Variants in USP43 observed in about 807,000 individuals in gnomAD.
USP43 encodes the protein ubiquitin specific peptidase 43.
A neutral mutation model predicts 90.7 loss-of-function variants in USP43; 33 were observed. That is an observed-to-expected ratio of 0.36 (90% CI 0.28 to 0.49). USP43 has a LOEUF of 0.49. Among genes scored for constraint, USP43 ranks in the 20% least tolerant of loss-of-function variants. The pLI is 0.98. For synonymous variants in USP43, 598 were observed against 615.8 expected (o/e 0.97, Z 0.43); for missense variants, 1,274 against 1,476.4 (o/e 0.86, Z 2.25).
chr17:9,666,923 G>C (rs937533862), intron 3 of USP43, among the ~76,000 whole-genome samples, 172 bp downstream of exon 3: 5 of 152,126 alleles, frequency 3.3e-5, no homozygotes, highest in African/African-American at 7.2e-5. Context: ...TGTTGTCTCT[G>C]ACCTTTGGTA....
chr17:9,689,750 G>T (rs1404456534), intron 8 of USP43, among the ~76,000 whole-genome samples: 2 of 152,100 alleles, frequency 1.3e-5, no homozygotes, highest in Non-Finnish European at 2.9e-5. Flanking sequence ...AAACGGGGGT[G>T]TGTGAGGCCA....
In USP43 at chr17:9,682,822, G is replaced by A; in HGVS notation, c.1106-1G>A. 6.2e-7 allele frequency: 1 copy of A among 1,613,866 alleles called. No homozygotes were observed. Among genetic ancestry groups the A allele is most frequent in the Non-Finnish European group, 8.5e-7 (1 of 1,179,824 alleles). ...AACAAATGTCATTCTCTCCCTTCTA[G>A]CTCATCCACTGGGTCTGTCGGCCTC... On this transcript the variant is annotated splice_acceptor_variant, in intron 6 of 14. Coordinates refer to ENST00000285199, the MANE Select transcript of USP43 (RefSeq NM_153210.5). LOFTEE classifies it high-confidence loss of function.
chr17:9,669,135 C>G (rs979285468), intron 3 of USP43, among the ~76,000 whole-genome samples: 1 of 152,118 alleles, frequency 6.6e-6, no homozygotes, highest in African/African-American at 2.4e-5. Context: ...TGAGCCACCA[C>G]GCCCGGCCGG....
chr17:9,697,616 A>G (rs1270332303), intron 9 of USP43, among the ~76,000 whole-genome samples: 3 of 151,584 alleles, frequency 2.0e-5, no homozygotes, highest in African/African-American at 2.4e-5. Flanking sequence ...TCATTCACTT[A>G]GGATAATGGC....
In USP43 at chr17:9,682,941, A is replaced by T. The variant is rs778595530; in HGVS notation, c.1224A>T (p.Ser408=). 16 of 1,613,746 alleles carry T rather than the reference A, an allele frequency of 9.9e-6. No individual in the cohort carries two copies. In the Admixed American group the frequency reaches 1.3e-4, roughly 13 times the overall value. The change falls in exon 7 of 15, where the codon TCA becomes TCT. Residue 408 remains serine, a synonymous_variant. Coordinates refer to ENST00000285199, the MANE Select transcript of USP43 (RefSeq NM_153210.5). ...VLILFCNLVG[S]GQQASRFGPP... The stretch of plus-strand genomic sequence containing the variant: ...TCCTCTTCTGTAACTTGGTGGGGTC[A>T]GGGCAGCAGGCTAGCAGGTATGTTT...
chr17:9,701,755 T>C lies in USP43; in HGVS notation c.2011+55T>C, dbSNP rs1597870169. The C allele has an allele frequency of 7.0e-7, 1 of 1,424,626 alleles. No homozygotes were observed. The highest frequency in any genetic ancestry group is 9.4e-7 in the Non-Finnish European group (1 of 1,064,632). 88.2% of individuals were successfully genotyped at this position (1,424,626 alleles called of 1,614,324 possible). A position where few individuals can be genotyped will look rare whatever the true frequency, so the allele number is the denominator to read the frequency against. On this transcript the variant is annotated intron_variant, in intron 12 of 14. Transcript: ENST00000285199. The surrounding 1 kb of genome is among the most constrained non-coding windows in gnomAD (Gnocchi z 7.2). ...CAGCTGTGGCCACAGCCTCGAGATG[T>C]CCCTGGAATGGGTGTTGCTCAGATG...
rs190919146 is a variant in USP43, at chr17:9,679,671, A to G, written c.970-560A>G. 3.4e-3 allele frequency among the ~76,000 whole-genome samples: 517 copies of G among 151,954 alleles called. 4 individuals are homozygous for G. Among genetic ancestry groups the G allele is most frequent in the African/African-American group, 0.012 (494 of 41,452 alleles). On this transcript the variant is annotated intron_variant, in intron 5 of 14. Coordinates refer to ENST00000285199, the MANE Select transcript of USP43 (RefSeq NM_153210.5). Reference sequence around the variant, plus strand: ...CTCCGTAGTAGCTGGGACTACAGGCACCCAAAATGCATCTTTTTAACGAGA... The same window carrying G: ...CTCCGTAGTAGCTGGGACTACAGGCGCCCAAAATGCATCTTTTTAACGAGA...
intron 9 of USP43, among the ~76,000 whole-genome samples, chr17:9,694,709 G>A (rs1218128563): frequency 2.6e-5 from 4 of 152,052 alleles, no homozygotes; most frequent in Admixed American, 1.3e-4. Flanking sequence ...TGCACCCTCC[G>A]CCTTTCTGGG....
chr17:9,674,760 C>A lies in USP43; in HGVS notation c.741-131C>A, dbSNP rs577367220. The stretch of plus-strand genomic sequence containing the variant: ...GTACAAGTATTTGAACACCTGTTCT[C>A]AATTCTTCTGGGTATGTACCTACGA... On this transcript the variant is annotated intron_variant, in intron 3 of 14. Coordinates refer to ENST00000285199, the MANE Select transcript of USP43 (RefSeq NM_153210.5). This position sits in a 1 kb window ranked among gnomAD's most constrained non-coding sequence, Gnocchi z 4.4. The A allele has an allele frequency of 1.0e-4, 79 of 760,612 alleles. No individual in the cohort carries two copies. Among genetic ancestry groups the A allele is most frequent in the Non-Finnish European group, 1.6e-4 (71 of 434,982 alleles). 47.1% of individuals were successfully genotyped at this position (760,612 alleles called of 1,614,324 possible). A position where few individuals can be genotyped will look rare whatever the true frequency, so the allele number is the denominator to read the frequency against.
In USP43 at chr17:9,671,632, G is replaced by C. The variant is rs141788406; in HGVS notation, c.741-3259G>C. Among the ~76,000 whole-genome samples the C allele has an allele frequency of 4.9e-3, 742 of 152,324 alleles. 6 individuals are homozygous for C. Among genetic ancestry groups the C allele is most frequent in the Non-Finnish European group, 8.0e-3 (543 of 68,030 alleles). ...TAATAGCACTGACGGGATTAGCTTTGTTAACAGAAGCAATTTGACAAGGAG... is the reference window on the plus strand; with the variant it reads ...TAATAGCACTGACGGGATTAGCTTTCTTAACAGAAGCAATTTGACAAGGAG... On this transcript the variant is annotated intron_variant, in intron 3 of 14. Transcript: ENST00000285199.
At chr17:9,723,048 G>A (rs1917048500) in intron 14 of USP43, among the ~76,000 whole-genome samples, 1 of 152,132 alleles carries the variant, frequency 6.6e-6, no homozygotes, top group Admixed American at 6.6e-5. Context: ...TCTTTGCCCA[G>A]CCACAAATAT....
At chr17:9,656,621 A>G in intron 2 of USP43, 87 bp downstream of exon 2, 1 of 1,456,462 alleles carries the variant, frequency 6.9e-7, no homozygotes, top group Non-Finnish European at 9.1e-7. Context: ...TGAATCTTGA[A>G]ATTGAGATTC....
At position 9,696,094 on chromosome 17, in the gene USP43, C is replaced by G. The variant is rs573011460; in HGVS notation, c.1457+2864C>G. On this transcript the variant is annotated intron_variant, in intron 9 of 14. Transcript: ENST00000285199. ...ATATTATTGGGTCTCAGCATTCTACCCCTGGCCCTCTGGGTTCCATTTATG... is the reference window on the plus strand; with the variant it reads ...ATATTATTGGGTCTCAGCATTCTACGCCTGGCCCTCTGGGTTCCATTTATG... 1.6e-3 allele frequency among the ~76,000 whole-genome samples: 245 copies of G among 152,018 alleles called. 1 individual carries two copies. The highest frequency in any genetic ancestry group is 7.7e-3 in the South Asian group (37 of 4,802).
At chr17:9,727,851 C>T in intron 14 of USP43, 103 bp from the exon 15 acceptor site, 1 of 1,330,506 alleles carries the variant, frequency 7.5e-7, no homozygotes, top group East Asian at 2.4e-5. Flanking sequence ...CTCCAGTGCC[C>T]AGCACAGTGC....
At position 9,712,006 on chromosome 17, in the gene USP43, C is replaced by A; in HGVS notation, c.2209C>A (p.Arg737=). The change falls in exon 14 of 15, where the codon CGG becomes AGG. Residue 737 remains arginine, a synonymous_variant. Transcript: ENST00000285199. Reference sequence around the variant, plus strand: ...CTCCCTGTCTGATCACTGGCTCTTACGGCTCGGGAGCCACGCTGGCAGCAC... The same window carrying A: ...CTCCCTGTCTGATCACTGGCTCTTAAGGCTCGGGAGCCACGCTGGCAGCAC... ...SSSLSDHWLL[R]LGSHAGSTRG... 6.2e-7 allele frequency: 1 copy of A among 1,610,952 alleles called. No individual in the cohort carries two copies. Among genetic ancestry groups the A allele is most frequent in the Non-Finnish European group, 8.5e-7 (1 of 1,178,682 alleles).
At chr17:9,655,360 C>G (rs1282057694) in intron 1 of USP43, among the ~76,000 whole-genome samples, 1 of 152,210 alleles carries the variant, frequency 6.6e-6, no homozygotes, top group Non-Finnish European at 1.5e-5. Flanking sequence ...TAGCAAAAGT[C>G]CCTGGAGAGA....
intron 14 of USP43, among the ~76,000 whole-genome samples, chr17:9,714,404 G>A (rs747351712): frequency 3.3e-5 from 5 of 152,202 alleles, no homozygotes; most frequent in South Asian, 4.1e-4. Flanking sequence ...AATGAAGGCC[G>A]GGCACAGTGG....
In USP43 at chr17:9,701,172, A is replaced by G; in HGVS notation, c.1589A>G (p.Gln530Arg). 1 of 1,534,238 alleles carries G rather than the reference A, an allele frequency of 6.5e-7. No individual in the cohort carries two copies. Among genetic ancestry groups the G allele is most frequent in the Non-Finnish European group, 8.8e-7 (1 of 1,138,698 alleles). Residue 530 changes from glutamine to arginine, a missense_variant, in exon 11 of 15, where the codon CAG becomes CGG. By Grantham distance (43) the Gln-to-Arg change is conservative (BLOSUM62 1). This residue lies in a region of USP43 where 253 missense variants were observed against 276.0 expected (regional missense o/e 0.92). Coordinates refer to ENST00000285199, the MANE Select transcript of USP43 (RefSeq NM_153210.5). The surrounding 1 kb of genome is among the most constrained non-coding windows in gnomAD (Gnocchi z 7.2). ...ERAQDADSVW[Q>R]QQQAHQQHSC... Reference sequence around the variant, plus strand: ...GCGCAGGATGCCGACAGTGTGTGGCAGCAGCAGCAGGCGCATCAGCAGCAC... The same window carrying G: ...GCGCAGGATGCCGACAGTGTGTGGCGGCAGCAGCAGGCGCATCAGCAGCAC...
chr17:9,652,202 G>A (rs1911911369), intron 1 of USP43, among the ~76,000 whole-genome samples: 1 of 123,014 alleles, frequency 8.1e-6, no homozygotes, highest in South Asian at 2.3e-4. Context: ...AACACAGCAA[G>A]CCCTTAGCGC....
Sources: allele counts gnomAD v4.1 joint callset (sites outside exome capture counted in the v4.1 genomes callset), GRCh38; gene constraint gnomAD v4.1.1; regional missense constraint gnomAD v4.1.1; non-coding constraint Gnocchi (gnomAD v3.1); transcripts MANE v1.5; gene names NCBI Gene and HGNC (gene_info 2026-07-23, HGNC 2026-07-21).